Variants in PARP9 observed in about 807,000 individuals in gnomAD.
The protein encoded by PARP9 is protein mono-ADP-ribosyltransferase PARP9.
PARP9 carries 48 observed loss-of-function variants against 68.8 expected under a neutral mutation model. That is an observed-to-expected ratio of 0.70 (90% CI 0.55 to 0.89). The LOEUF (loss-of-function observed/expected upper bound fraction) is 0.89. PARP9 is among the 40% of genes least tolerant of loss of function. The pLI, the probability that PARP9 is intolerant of heterozygous loss-of-function variation, is 0.00. For missense variants in PARP9, 806 were observed against 969.3 expected, an observed-to-expected ratio of 0.83 and a Z score of 2.24; for synonymous variants, 309 against 333.8, an observed-to-expected ratio of 0.93 and a Z score of 0.81.
At chr3:122,556,725 TGGAA>T (rs755489898) in intron 3 of PARP9, among the ~76,000 whole-genome samples, 131 of 152,280 alleles carry the variant, frequency 8.6e-4, no homozygotes, top group Non-Finnish European at 1.7e-3. Flanking sequence ...ACTAGGCAGA[TGGAA>T]CTTAACTCTA....
At position 122,564,288 on chromosome 3, in the gene PARP9, G is replaced by A; in HGVS notation, c.-133C>T. 1 of 1,062,636 alleles carries A rather than the reference G, an allele frequency of 9.4e-7. No individual in the cohort carries two copies. The highest frequency in any genetic ancestry group is 1.3e-6 in the Non-Finnish European group (1 of 759,948). The allele number at this position is 1,062,636 out of a possible 1,614,324, so 65.8% of individuals were successfully genotyped here. A position where few individuals can be genotyped will look rare whatever the true frequency, so the allele number is the denominator to read the frequency against. ...CGGTGCAGACAGCACAGGGAGGAGG[G>A]GGAAGCGGCTCTGCCGGGAACAGGG... On this transcript the variant is annotated 5_prime_UTR_variant, in exon 1 of 11. Coordinates refer to ENST00000682323, the MANE Select transcript of PARP9 (RefSeq NM_001146105.2).
intron 10 of PARP9, among the ~76,000 whole-genome samples, chr3:122,529,048 C>A (rs771761703): frequency 1.3e-5 from 2 of 151,592 alleles, no homozygotes; most frequent in Non-Finnish European, 1.5e-5. Context: ...AGAAGCCTGG[C>A]CAACATGATG....
chr3:122,564,250 AG>A lies in PARP9; in HGVS notation c.-96del. 1 of 724,792 alleles carries A rather than the reference AG, an allele frequency of 1.4e-6. No homozygotes were observed. Among genetic ancestry groups the A allele is most frequent in the Non-Finnish European group, 2.1e-6 (1 of 476,378 alleles). The allele number at this position is 724,792 out of a possible 1,614,324, so 44.9% of individuals were successfully genotyped here. On this transcript the variant is annotated 5_prime_UTR_variant, in exon 1 of 11. Coordinates refer to ENST00000682323, the MANE Select transcript of PARP9 (RefSeq NM_001146105.2). ...GAGGCACCGGACCTACTCACCCGGC[AG>A]GCCGCTCTCCTCGGTGCAGACAGCA...
At chr3:122,550,862 C>T in intron 5 of PARP9, 60 bp from the exon 6 acceptor site, 1 of 1,424,708 alleles carries the variant, frequency 7.0e-7, no homozygotes, top group Admixed American at 1.8e-5. Context: ...TCCACTTACC[C>T]CTTGATCCTG....
At chr3:122,536,636 T>C in intron 9 of PARP9, 1 of 535,096 alleles carries the variant, frequency 1.9e-6, no homozygotes, top group South Asian at 2.8e-5. Context: ...GAAAAATAGG[T>C]AAACAATTAT....
intron 6 of PARP9, 133 bp downstream of exon 6, chr3:122,550,451 G>A: frequency 1.4e-6 from 1 of 734,440 alleles, no homozygotes; most frequent in South Asian, 1.9e-5. Flanking sequence ...ACTTCACCAA[G>A]TTAGAACACC....
At chr3:122,558,249 A>C in intron 3 of PARP9, 185 bp downstream of exon 3, 1 of 1,489,888 alleles carries the variant, frequency 6.7e-7, no homozygotes, top group South Asian at 1.2e-5. Context: ...GTAGGCCTTG[A>C]GAGAATATGC....
intron 6 of PARP9, among the ~76,000 whole-genome samples, chr3:122,546,968 C>CTATATATATA (rs57337681): frequency 5.8e-4 from 41 of 70,128 alleles, no homozygotes; most frequent in Admixed American, 1.2e-3. Context: ...ATACATGGCA[C>CTATATATATA]TATATATATA....
chr3:122,534,233 A>T, intron 10 of PARP9: 1 of 894,066 alleles, frequency 1.1e-6, no homozygotes, highest in Non-Finnish European at 1.3e-6. Context: ...CTGAATTTTT[A>T]AAGGAACTGT....
intron 8 of PARP9, among the ~76,000 whole-genome samples, chr3:122,539,538 T>TCTTTCTTTCTTA (rs2077980024): frequency 2.2e-5 from 1 of 45,396 alleles, no homozygotes; most frequent in Admixed American, 1.8e-4. Flanking sequence ...TTTCTTTCTT[T>TCTTTCTTTCTTA]CTTTCTTTCT....
chr3:122,544,092 G>T (rs2078494489), intron 7 of PARP9, among the ~76,000 whole-genome samples: 1 of 152,076 alleles, frequency 6.6e-6, no homozygotes, highest in Non-Finnish European at 1.5e-5. Flanking sequence ...ACCCACCATG[G>T]ATTCCCTGTG....
At position 122,528,588 on chromosome 3, in the gene PARP9, G is replaced by A. The variant is rs147481687; in HGVS notation, c.2236C>T (p.Pro746Ser). 6.1e-4 allele frequency: 984 copies of A among 1,614,104 alleles called. 1 individual carries two copies. The highest frequency in any genetic ancestry group is 9.8e-4 in the Admixed American group (59 of 60,008). ...ATAGCTCCAGGACTCAGTGGTGGGG[G>A]AACAATATTTAACGGATGTCCCTGG... is the stretch of plus-strand genomic sequence containing the variant. The part of the protein sequence containing the change: ...FCQGHPLNIV[P>S]PPLSPGAIDG... The change falls in exon 11 of 11, where the codon CCC (proline) becomes TCC (serine). Residue 746 changes from proline to serine, a missense_variant. By Grantham distance (74) the Pro-to-Ser change is moderately conservative. Coordinates refer to ENST00000682323, the MANE Select transcript of PARP9 (RefSeq NM_001146105.2).
intron 1 of PARP9, among the ~76,000 whole-genome samples, chr3:122,562,391 C>T (rs1409027510): frequency 6.7e-6 from 1 of 149,846 alleles, no homozygotes; most frequent in Admixed American, 6.7e-5. Context: ...GACGGGGTTT[C>T]ACCATGTTAG....
At chr3:122,551,598 C>T (rs2079206837) in intron 5 of PARP9, among the ~76,000 whole-genome samples, 1 of 152,094 alleles carries the variant, frequency 6.6e-6, no homozygotes, top group Admixed American at 6.5e-5. Flanking sequence ...CTCCTGAGTT[C>T]GTTAATGCTT....
At chr3:122,532,186 G>A (rs1357417034) in intron 10 of PARP9, 2 of 985,284 alleles carry the variant, frequency 2.0e-6, no homozygotes, top group East Asian at 2.3e-4. Flanking sequence ...CATTCAGCTT[G>A]GAGGATGAAC....
intron 6 of PARP9, among the ~76,000 whole-genome samples, chr3:122,550,101 T>C (rs759826425): frequency 2.6e-5 from 4 of 152,208 alleles, no homozygotes; most frequent in Admixed American, 1.3e-4. Context: ...GTTTTTGAGA[T>C]GGAGTTTCAC....
rs116749774 is a variant in PARP9 at position 122,552,184 on chromosome 3, C to T, written c.1107+234G>A. ...ATCCTCCCACCTTGGCCTCCCAAAGCGCTGGACTCACAGGCATGAGCCACT... is the reference window on the plus strand; with the variant it reads ...ATCCTCCCACCTTGGCCTCCCAAAGTGCTGGACTCACAGGCATGAGCCACT... On this transcript the variant is annotated intron_variant, in intron 5 of 10. Coordinates refer to ENST00000682323, the MANE Select transcript of PARP9 (RefSeq NM_001146105.2). Among the ~76,000 whole-genome samples the T allele has an allele frequency of 6.8e-3, 1,039 of 152,124 alleles. 5 individuals carry two copies. Among genetic ancestry groups the T allele is most frequent in the African/African-American group, 0.024 (991 of 41,500 alleles).
intron 3 of PARP9, among the ~76,000 whole-genome samples, chr3:122,556,509 G>A (rs2079682982): frequency 6.6e-6 from 1 of 152,144 alleles, no homozygotes; most frequent in African/African-American, 2.4e-5. Flanking sequence ...GTATTGGAAG[G>A]GACTTAATTA....
At chr3:122,536,029 G>C in intron 10 of PARP9, 139 bp downstream of exon 10, 1 of 1,541,310 alleles carries the variant, frequency 6.5e-7, no homozygotes, top group Non-Finnish European at 8.8e-7. Flanking sequence ...TGTGACCTGG[G>C]TCATCATTTG....
Sources: allele counts gnomAD v4.1 joint callset (sites outside exome capture counted in the v4.1 genomes callset), GRCh38; gene constraint gnomAD v4.1.1; transcripts MANE v1.5; gene names NCBI Gene and HGNC (gene_info 2026-07-23, HGNC 2026-07-21).